Variants in APC2 observed in about 807,000 individuals in gnomAD.
APC2 encodes the protein adenomatous polyposis coli protein 2.
Under a neutral mutation model 72.5 loss-of-function variants are expected in APC2, and 41 were observed. The ratio of observed to expected loss-of-function variants is 0.57; its 90% CI spans 0.44 to 0.73. The LOEUF (loss-of-function observed/expected upper bound fraction) is 0.73. APC2 is among the 30% of genes least tolerant of loss of function. The pLI, the probability that APC2 is intolerant of heterozygous loss-of-function variation, is 0.00. For synonymous variants in APC2, 1,898 were observed against 1,612.0 expected (o/e 1.18, Z -4.25); for missense variants, 3,729 against 3,403.4 (o/e 1.10, Z -2.38).
Position 1,455,514 on chromosome 19 carries a change from C to T in APC2, c.639+14C>T, listed in dbSNP as rs748242653. The T allele has an allele frequency of 1.9e-6, 3 of 1,590,474 alleles. No individual in the cohort carries two copies. The highest frequency in any genetic ancestry group is 2.6e-6 in the Non-Finnish European group (3 of 1,167,544). ...CAGCGGGCACAGGTGCGGCGGTGGG[C>T]GGGGTGGCGCGGCGGTAGGCGGGGC... On this transcript the variant is annotated intron_variant, in intron 6 of 14. Coordinates refer to ENST00000590469, the MANE Select transcript of APC2 (RefSeq NM_005883.3).
At chr19:1,457,939 C>T (rs2083863753) in intron 9 of APC2, 26 bp from the exon 10 acceptor site, 1 of 1,516,794 alleles carries the variant, frequency 6.6e-7, no homozygotes, top group African/African-American at 1.5e-5. Flanking sequence ...GGAATGGGGG[C>T]TCTGATCTGG....
Position 1,452,852 on chromosome 19 carries a change from TC to T in APC2, c.-18-130del. The T allele has an allele frequency of 2.6e-6, 3 of 1,155,186 alleles. No homozygotes were observed. Among genetic ancestry groups the T allele is most frequent in the Non-Finnish European group, 3.6e-6 (3 of 838,164 alleles). The allele number at this position is 1,155,186 out of a possible 1,614,324, so 71.6% of individuals were successfully genotyped here. A position where few individuals can be genotyped will look rare whatever the true frequency, so the allele number is the denominator to read the frequency against. On this transcript the variant is annotated intron_variant, in intron 1 of 14. Coordinates refer to ENST00000590469, the MANE Select transcript of APC2 (RefSeq NM_005883.3). This position sits in a 1 kb window ranked among gnomAD's most constrained non-coding sequence, Gnocchi z 5.1. Reference sequence around the variant, plus strand: ...GCCTGTACTTGTCCACACCAGTGACTCCTGCCTGAGACCCCCCCCAACCCAG... The same window carrying T: ...GCCTGTACTTGTCCACACCAGTGACTCTGCCTGAGACCCCCCCCAACCCAG...
chr19:1,462,757 T>C (rs1052523810), intron 14 of APC2, among the ~76,000 whole-genome samples: 1 of 113,152 alleles, frequency 8.8e-6, no homozygotes, highest in African/African-American at 3.5e-5. Flanking sequence ...GATCACGAGG[T>C]CAGGAGATCG....
chr19:1,460,816 A>G lies in APC2; in HGVS notation c.1480A>G (p.Ile494Val), dbSNP rs2083910738. ...LCARRGCMEA[I>V]VAQLASDSEE... ...TGCGCGCCGCGGCTGCATGGAGGCC[A>G]TCGTGGCCCAGCTGGCCTCCGACAG... is the stretch of plus-strand genomic sequence containing the variant. Residue 494 changes from isoleucine to valine, a missense_variant, in exon 12 of 15, where the codon ATC (isoleucine) becomes GTC (valine). Physicochemically the swap from Ile to Val is conservative, Grantham distance 29. Coordinates refer to ENST00000590469, the MANE Select transcript of APC2 (RefSeq NM_005883.3). The G allele has an allele frequency of 1.2e-6, 2 of 1,613,030 alleles. No homozygotes were observed. The highest frequency in any genetic ancestry group is 1.3e-5 in the African/African-American group (1 of 74,936).
At chr19:1,450,982 A>C (rs1430807273) in intron 1 of APC2, among the ~76,000 whole-genome samples, 1 of 152,134 alleles carries the variant, frequency 6.6e-6, no homozygotes, top group Admixed American at 6.5e-5. Context: ...GAGGAGTCGG[A>C]GCGTATCCTG....
At chr19:1,459,145 G>A (rs1037844521) in intron 10 of APC2, among the ~76,000 whole-genome samples, 9 of 152,090 alleles carry the variant, frequency 5.9e-5, no homozygotes, top group East Asian at 1.9e-4. Context: ...TATGCCTGGC[G>A]TCTCCCACTG....
Position 1,465,407 on chromosome 19 carries a change from C to G in APC2, c.2106C>G (p.His702Gln), listed in dbSNP as rs1420763967. Residue 702 changes from histidine to glutamine, a missense_variant, in exon 15 of 15, where the codon CAC (histidine) becomes CAG (glutamine). By Grantham distance (24) the His-to-Gln change is conservative. Transcript: ENST00000590469. ...RNLLAHRPAKHQAAATAVSPG... is the reference protein window; with the variant it reads ...RNLLAHRPAKQQAAATAVSPG... ...TGCTGGCCCATCGGCCCGCCAAGCACCAGGCGGCCGCCACCGCCGTGTCCC... is the reference window on the plus strand; with the variant it reads ...TGCTGGCCCATCGGCCCGCCAAGCAGCAGGCGGCCGCCACCGCCGTGTCCC... 6.4e-7 allele frequency: 1 copy of G among 1,553,586 alleles called. No homozygotes were observed. The highest frequency in any genetic ancestry group is 1.8e-5 in the Admixed American group (1 of 54,080).
At chr19:1,455,360 G>A (rs377021589) in intron 5 of APC2, 24 bp from the exon 6 acceptor site, 3 of 1,602,886 alleles carry the variant, frequency 1.9e-6, no homozygotes, top group Admixed American at 3.4e-5. Flanking sequence ...CCCTCACCGT[G>A]GCCCGCCCGC....
At chr19:1,457,411 G>C in intron 9 of APC2, 168 bp downstream of exon 9, 1 of 996,972 alleles carries the variant, frequency 1.0e-6, no homozygotes, top group South Asian at 1.8e-5. Flanking sequence ...GTTGGGAAAA[G>C]ACCCGCCCAT....
In APC2 at chr19:1,465,140, G is replaced by T. The variant is rs749988865; in HGVS notation, c.1854-15G>T. 2 of 1,588,982 alleles carry T rather than the reference G, an allele frequency of 1.3e-6. No homozygotes were observed. The highest frequency in any genetic ancestry group is 2.3e-5 in the East Asian group (1 of 43,424). On this transcript the variant is annotated splice_polypyrimidine_tract_variant and intron_variant, in intron 14 of 14. Transcript: ENST00000590469. ...GGTGGGGGGTGGCCCAGGCTAACCC[G>T]CCCTGTGCCTACAGGCAGGTGCTCC...
upstream of APC2, among the ~76,000 whole-genome samples, chr19:1,446,604 C>T (rs2083689622): frequency 6.6e-6 from 1 of 152,068 alleles, no homozygotes; most frequent in Non-Finnish European, 1.5e-5. This position sits in a 1 kb window ranked among gnomAD's most constrained non-coding sequence, Gnocchi z 6.1. Flanking sequence ...GCTCGCCCAG[C>T]CCAGCCCTCG....
chr19:1,457,311 G>A, intron 9 of APC2, 68 bp downstream of exon 9: 1 of 1,459,408 alleles, frequency 6.9e-7, no homozygotes, highest in Non-Finnish European at 9.0e-7. Flanking sequence ...CGGGGGATGG[G>A]CGACTAGGAC....
chr19:1,446,628 A>C (rs2083689945), upstream of APC2, among the ~76,000 whole-genome samples: 2 of 151,480 alleles, frequency 1.3e-5, no homozygotes, highest in Non-Finnish European at 2.9e-5. This position sits in a 1 kb window ranked among gnomAD's most constrained non-coding sequence, Gnocchi z 6.1. Flanking sequence ...TCTGCAGGAG[A>C]CCCTCGGACC....
chr19:1,465,922 T>A lies in APC2; in HGVS notation c.2621T>A (p.Leu874His). Residue 874 changes from leucine to histidine, a missense_variant, in exon 15 of 15, where the codon CTC becomes CAC. Physicochemically the swap from Leu to His is moderately conservative, Grantham distance 99. Coordinates refer to ENST00000590469, the MANE Select transcript of APC2 (RefSeq NM_005883.3). ...LHTSSDDSFS[L>H]SSGDPGQEAP... ...ACCTCGTCCGACGATAGCTTCAGCCTCAGCTCTGGAGACCCGGGACAGGAG... is the reference window on the plus strand; with the variant it reads ...ACCTCGTCCGACGATAGCTTCAGCCACAGCTCTGGAGACCCGGGACAGGAG... 6.3e-7 allele frequency: 1 copy of A among 1,586,336 alleles called. No homozygotes were observed. The highest frequency in any genetic ancestry group is 1.1e-5 in the South Asian group (1 of 88,940).
At position 1,466,281 on chromosome 19, in the gene APC2, A is replaced by G; in HGVS notation, c.2980A>G (p.Lys994Glu). The G allele has an allele frequency of 1.3e-6, 2 of 1,534,142 alleles. No homozygotes were observed. Among genetic ancestry groups the G allele is most frequent in the Non-Finnish European group, 1.7e-6 (2 of 1,147,200 alleles). ...TSADARVRTI[K>E]LSPTYQHVPL... ...CGCCGACGCCCGCGTGCGCACCATCAAGCTGTCGCCTACCTATCAGCACGT... is the reference window on the plus strand; with the variant it reads ...CGCCGACGCCCGCGTGCGCACCATCGAGCTGTCGCCTACCTATCAGCACGT... The change falls in exon 15 of 15, where the codon AAG (lysine) becomes GAG (glutamate). Residue 994 changes from lysine to glutamate, a missense_variant. Lys to Glu is a moderately conservative substitution (Grantham distance 56). Coordinates refer to ENST00000590469, the MANE Select transcript of APC2 (RefSeq NM_005883.3).
Position 1,458,035 on chromosome 19 carries a change from G to C in APC2, c.1278G>C (p.Glu426Asp), listed in dbSNP as rs2083866008. ...CAVMKLSFDE[E>D]YRRAMNELGG... ...TTATGAAGCTGTCCTTTGATGAGGA[G>C]TACCGCCGTGCCATGAACGAGCTAG... The change falls in exon 10 of 15, where the codon GAG (glutamate) becomes GAC (aspartate). Residue 426 changes from glutamate (E) to aspartate (D), a missense_variant. Glu to Asp is a conservative substitution (Grantham distance 45). Coordinates refer to ENST00000590469, the MANE Select transcript of APC2 (RefSeq NM_005883.3). The C allele has an allele frequency of 6.4e-7, 1 of 1,564,990 alleles. No individual in the cohort carries two copies.
intron 14 of APC2, among the ~76,000 whole-genome samples, chr19:1,463,130 G>T (rs1178512241): frequency 6.6e-6 from 1 of 150,996 alleles, no homozygotes; most frequent in African/African-American, 2.4e-5. Context: ...TATAAAATTA[G>T]CCAGGTGTGG....
In APC2 at chr19:1,453,421, G is replaced by T; in HGVS notation, c.233-10G>T. ...GGCCGCTGACCTCCGCCCTGTCCCCGCCCATCCAGCCCTACAGATGGACAT... is the reference window on the plus strand; with the variant it reads ...GGCCGCTGACCTCCGCCCTGTCCCCTCCCATCCAGCCCTACAGATGGACAT... On this transcript the variant is annotated splice_polypyrimidine_tract_variant and intron_variant, in intron 3 of 14. Coordinates refer to ENST00000590469, the MANE Select transcript of APC2 (RefSeq NM_005883.3). 6.2e-7 allele frequency: 1 copy of T among 1,602,706 alleles called. No homozygotes were observed. Among genetic ancestry groups the T allele is most frequent in the Non-Finnish European group, 8.5e-7 (1 of 1,172,738 alleles).
Position 1,467,604 on chromosome 19 carries a change from G to A in APC2, c.4303G>A (p.Ala1435Thr). 6 of 1,508,474 alleles carry A rather than the reference G, an allele frequency of 4.0e-6. No individual in the cohort carries two copies. Among genetic ancestry groups the A allele is most frequent in the Non-Finnish European group, 5.3e-6 (6 of 1,135,366 alleles). 93.4% of individuals were successfully genotyped at this position (1,508,474 alleles called of 1,614,324 possible). A position where few individuals can be genotyped will look rare whatever the true frequency, so the allele number is the denominator to read the frequency against. ...AAGACCCACCGGCCGCCCCACCTCT[G>A]CCAGACAGGCCATGGGGCACCGGCA... ...RQRPTGRPTS[A>T]RQAMGHRHKA... The change falls in exon 15 of 15, where the codon GCC (alanine) becomes ACC (threonine). Residue 1435 changes from alanine to threonine, a missense_variant. By Grantham distance (58) the Ala-to-Thr change is moderately conservative. Transcript: ENST00000590469.
Sources: gnomAD v4.1 joint callset for allele counts (sites outside exome capture counted in the v4.1 genomes callset) on GRCh38, gnomAD v4.1.1 for gene constraint, Gnocchi (gnomAD v3.1) non-coding constraint, MANE v1.5 for transcripts, NCBI Gene and HGNC (gene_info 2026-07-23, HGNC 2026-07-21) for gene names.